The following MLLT3 variants were observed in gnomAD, a reference collection of about 807,000 sequenced individuals.
MLLT3 encodes protein AF-9.
A neutral mutation model predicts 53.2 loss-of-function variants in MLLT3; 4 were observed. The observed-to-expected ratio is 0.08, with a 90% CI of 0.04 to 0.17. The LOEUF is 0.17. Ranked by LOEUF, MLLT3 falls within the 10% of genes least tolerant of loss-of-function variation. The pLI, the probability that MLLT3 is intolerant of heterozygous loss-of-function variation, is 1.00. For synonymous variants in MLLT3, 283 were observed against 230.6 expected, an observed-to-expected ratio of 1.23 and a Z score of -2.06; for missense variants, 569 against 684.0, an observed-to-expected ratio of 0.83 and a Z score of 1.87.
chr9:20,463,313 C>A (rs913212989), intron 2 of MLLT3, among the ~76,000 whole-genome samples: 1 of 152,016 alleles, frequency 6.6e-6, no homozygotes, highest in Non-Finnish European at 1.5e-5. Flanking sequence ...TTAACATACG[C>A]ACAACATTTT....
At chr9:20,425,129 T>C (rs1206499498) in intron 4 of MLLT3, among the ~76,000 whole-genome samples, 2 of 152,204 alleles carry the variant, frequency 1.3e-5, no homozygotes, top group South Asian at 2.1e-4. Context: ...ACATTGTCCA[T>C]AGTTGGTGAG....
intron 4 of MLLT3, among the ~76,000 whole-genome samples, chr9:20,424,420 C>G (rs1009369357): frequency 6.6e-6 from 1 of 152,134 alleles, no homozygotes; most frequent in African/African-American, 2.4e-5. Context: ...CAAGATACTT[C>G]TCATCTCACA....
chr9:20,405,356 T>G (rs149298974), intron 5 of MLLT3, among the ~76,000 whole-genome samples: 7 of 152,356 alleles, frequency 4.6e-5, no homozygotes, highest in South Asian at 2.1e-4. Flanking sequence ...CACTACCAGA[T>G]GGTCAGAGGA....
chr9:20,581,115 G>A (rs888099328), intron 2 of MLLT3, among the ~76,000 whole-genome samples: 3 of 152,128 alleles, frequency 2.0e-5, no homozygotes, highest in African/African-American at 7.2e-5. Context: ...ACTGCTGAAC[G>A]AACCTTTCAA....
chr9:20,551,485 G>A (rs1818924256), intron 2 of MLLT3, among the ~76,000 whole-genome samples: 3 of 152,186 alleles, frequency 2.0e-5, no homozygotes, highest in Admixed American at 1.3e-4. Flanking sequence ...TCTAATTTAA[G>A]GAATGTACCA....
At chr9:20,509,927 G>A (rs956070435) in intron 2 of MLLT3, among the ~76,000 whole-genome samples, 2 of 150,332 alleles carry the variant, frequency 1.3e-5, no homozygotes, top group African/African-American at 4.9e-5. Flanking sequence ...CAGGCCAGTT[G>A]GCTTCCTGGA....
rs1823982253 is a variant in MLLT3, at chr9:20,456,848, T to TA, written c.194-63_194-62insT. The TA allele has an allele frequency of 9.2e-6, 12 of 1,299,014 alleles. No individual in the cohort carries two copies. In the African/African-American group the frequency reaches 1.5e-4, roughly 17 times the overall value. 80.5% of individuals were successfully genotyped at this position (1,299,014 alleles called of 1,614,324 possible). A position where few individuals can be genotyped will look rare whatever the true frequency, so the allele number is the denominator to read the frequency against. ...TAATAGACAAAAAGACATTCTTCTT[T>TA]TAAAAAAAAAAATCCCATTCTACCA... On this transcript the variant is annotated intron_variant, in intron 2 of 10. Transcript: ENST00000380338.
At chr9:20,559,947 T>C (rs961473624) in intron 2 of MLLT3, among the ~76,000 whole-genome samples, 2 of 152,172 alleles carry the variant, frequency 1.3e-5, no homozygotes, top group African/African-American at 4.8e-5. Context: ...TCATTTTACT[T>C]TGGGCAACAC....
intron 2 of MLLT3, among the ~76,000 whole-genome samples, chr9:20,573,953 G>A (rs970135932): frequency 6.6e-6 from 1 of 152,078 alleles, no homozygotes; most frequent in African/African-American, 2.4e-5. Context: ...CATTTTTTGG[G>A]TTTGAGAAAG....
intron 4 of MLLT3, among the ~76,000 whole-genome samples, chr9:20,434,670 T>C (rs1823358873): frequency 6.6e-6 from 1 of 152,192 alleles, no homozygotes; most frequent in African/African-American, 2.4e-5. Context: ...GTTGATCTGT[T>C]AGCTAAATCA....
intron 2 of MLLT3, among the ~76,000 whole-genome samples, chr9:20,489,633 A>G (rs756971717): frequency 4.7e-4 from 72 of 152,218 alleles, no homozygotes; most frequent in South Asian, 1.7e-3. Flanking sequence ...CTTACAACCT[A>G]TCTTCAAATA....
At chr9:20,397,184 G>T (rs1307263716) in intron 5 of MLLT3, among the ~76,000 whole-genome samples, 1 of 152,102 alleles carries the variant, frequency 6.6e-6, no homozygotes, top group African/African-American at 2.4e-5. Context: ...CTGCCTTGGT[G>T]TTTTATACCT....
rs146833202 is a variant in MLLT3 at position 20,538,270 on chromosome 9, A to T, written c.194-81484T>A. Among the ~76,000 whole-genome samples, 472 of 152,332 alleles carry T rather than the reference A, an allele frequency of 3.1e-3. 5 individuals are homozygous for T. The highest frequency in any genetic ancestry group is 3.4e-3 in the Middle Eastern group (1 of 294). ...GTTTAATCCAATTAACTCTTGAAAC[A>T]TTTCTCTGAGGTAGTTTCTAACATT... On this transcript the variant is annotated intron_variant, in intron 2 of 10. Transcript: ENST00000380338.
At chr9:20,433,007 C>T (rs1329263549) in intron 4 of MLLT3, among the ~76,000 whole-genome samples, 1 of 151,918 alleles carries the variant, frequency 6.6e-6, no homozygotes, top group South Asian at 2.1e-4. Flanking sequence ...ATTATAGTCC[C>T]CATCCACTTG....
chr9:20,415,530 T>C, intron 4 of MLLT3: 1 of 642,196 alleles, frequency 1.6e-6, no homozygotes, highest in Non-Finnish European at 1.9e-6. Flanking sequence ...AGAAGAGCTC[T>C]TTCTTGCTTA....
chr9:20,557,271 G>A (rs1377579388), intron 2 of MLLT3, among the ~76,000 whole-genome samples: 1 of 152,010 alleles, frequency 6.6e-6, no homozygotes, highest in African/African-American at 2.4e-5. Context: ...GTGGGGTAGT[G>A]GGGTTGAGGG....
intron 10 of MLLT3, among the ~76,000 whole-genome samples, chr9:20,350,622 ACCAGGTAC>A (rs1330635937): frequency 6.6e-6 from 1 of 151,946 alleles, no homozygotes; most frequent in Non-Finnish European, 1.5e-5. Flanking sequence ...AAAACAGGCA[ACCAGGTAC>A]ATATGGGTAG....
intron 2 of MLLT3, among the ~76,000 whole-genome samples, chr9:20,498,424 C>T (rs1280271547): frequency 6.6e-6 from 1 of 151,988 alleles, no homozygotes; most frequent in African/African-American, 2.4e-5. Flanking sequence ...TCTTTCACAT[C>T]TGTATATCTC....
At chr9:20,431,296 A>G (rs1383874031) in intron 4 of MLLT3, among the ~76,000 whole-genome samples, 1 of 152,130 alleles carries the variant, frequency 6.6e-6, no homozygotes, top group Non-Finnish European at 1.5e-5. Context: ...GCCCCACCCT[A>G]GACCTACTAA....
Sources: allele counts gnomAD v4.1 joint callset (sites outside exome capture counted in the v4.1 genomes callset), GRCh38; gene constraint gnomAD v4.1.1; transcripts MANE v1.5; gene names NCBI Gene and HGNC (gene_info 2026-07-23, HGNC 2026-07-21).